PALD1: variants seen among roughly 807,000 people sequenced by gnomAD.
The protein encoded by PALD1 is phosphatase domain containing paladin 1.
A neutral mutation model predicts 96.0 loss-of-function variants in PALD1; 57 were observed. That is an observed-to-expected ratio of 0.59 (90% CI 0.48 to 0.74). PALD1 has a LOEUF of 0.74. Ranked by LOEUF, PALD1 falls within the 30% of genes least tolerant of loss-of-function variation. The pLI, the probability that PALD1 is intolerant of heterozygous loss-of-function variation, is 0.00. For synonymous variants in PALD1, 464 were observed against 473.6 expected (o/e 0.98, Z 0.26); for missense variants, 1,063 against 1,143.7 (o/e 0.93, Z 1.02).
At chr10:70,496,744 C>T (rs1462785643) in intron 1 of PALD1, among the ~76,000 whole-genome samples, 1 of 152,122 alleles carries the variant, frequency 6.6e-6, no homozygotes, top group Non-Finnish European at 1.5e-5. Flanking sequence ...TGAACATGAA[C>T]ACCCGCTTCT....
intron 10 of PALD1, among the ~76,000 whole-genome samples, chr10:70,535,711 C>T (rs1198495075): frequency 2.6e-5 from 4 of 151,398 alleles, no homozygotes; most frequent in African/African-American, 9.7e-5. Context: ...CCTCCTCCTG[C>T]TTCTCCTTCA....
intron 10 of PALD1, among the ~76,000 whole-genome samples, chr10:70,537,181 C>T (rs904103815): frequency 2.0e-5 from 3 of 151,852 alleles, no homozygotes; most frequent in Admixed American, 6.6e-5. Context: ...GATCATAGCT[C>T]ACTGGAGCCT....
At chr10:70,543,693 T>C (rs1321696269) in intron 17 of PALD1, among the ~76,000 whole-genome samples, 1 of 152,280 alleles carries the variant, frequency 6.6e-6, no homozygotes, top group East Asian at 1.9e-4. Flanking sequence ...GTTGACCATA[T>C]GTATAAGGGT....
At chr10:70,491,076 G>A (rs941760019) in intron 1 of PALD1, among the ~76,000 whole-genome samples, 2 of 152,122 alleles carry the variant, frequency 1.3e-5, no homozygotes, top group African/African-American at 4.8e-5. Flanking sequence ...CTCCTGAGTA[G>A]CTGGGACTAC....
intron 1 of PALD1, among the ~76,000 whole-genome samples, chr10:70,504,121 G>A (rs540673737): frequency 9.2e-5 from 14 of 152,348 alleles, no homozygotes; most frequent in East Asian, 1.9e-4. Flanking sequence ...GTTTGTAAAC[G>A]TATTCTCAGG....
chr10:70,526,136 C>A lies in PALD1; in HGVS notation c.185C>A (p.Thr62Lys), dbSNP rs781080683. Residue 62 changes from threonine (T) to lysine (K), a missense_variant and splice_region_variant, in exon 2 of 20, where the codon ACG (threonine) becomes AAG (lysine). Physicochemically the swap from Thr to Lys is moderately conservative, Grantham distance 78. Coordinates refer to ENST00000263563, the MANE Select transcript of PALD1 (RefSeq NM_014431.3). ...AACAAGGTGGCCCCTGTTGTGATCA[C>A]GTGAGTGGCAGGGGGAGTGTGCCCA... ...IPNKVAPVVI[T>K]YNCKEEFQIH... 2.5e-6 allele frequency: 4 copies of A among 1,613,294 alleles called. No individual in the cohort carries two copies. Among genetic ancestry groups the A allele is most frequent in the Non-Finnish European group, 3.4e-6 (4 of 1,179,358 alleles).
intron 18 of PALD1, among the ~76,000 whole-genome samples, chr10:70,550,858 CTGTT>C (rs1264841548): frequency 3.3e-5 from 5 of 152,300 alleles, no homozygotes; most frequent in South Asian, 4.1e-4. Context: ...TTATGTCTGT[CTGTT>C]TATCAGCTGA....
chr10:70,560,557 C>T (rs540798773), intron 18 of PALD1, among the ~76,000 whole-genome samples: 8 of 152,194 alleles, frequency 5.3e-5, no homozygotes, highest in African/African-American at 9.6e-5. Flanking sequence ...CAGGATGTGA[C>T]GCGCTCGGCC....
intron 1 of PALD1, among the ~76,000 whole-genome samples, chr10:70,508,195 C>G (rs555406749): frequency 2.0e-5 from 3 of 152,314 alleles, no homozygotes; most frequent in South Asian, 4.1e-4. Flanking sequence ...ACGGCCCAGC[C>G]TTGTTGTTTA....
intron 1 of PALD1, among the ~76,000 whole-genome samples, chr10:70,524,488 A>G (rs1846812480): frequency 6.6e-6 from 1 of 152,236 alleles, no homozygotes; most frequent in South Asian, 2.1e-4. Context: ...TTCTTTAAAT[A>G]GGTTTTAACC....
Position 70,566,774 on chromosome 10 carries a change from C to T in PALD1, c.*41C>T, listed in dbSNP as rs1462344754. On this transcript the variant is annotated 3_prime_UTR_variant, in exon 20 of 20. Coordinates refer to ENST00000263563, the MANE Select transcript of PALD1 (RefSeq NM_014431.3). ...GTCCCCCCACCCACAGGGCCCCACG[C>T]AGGCCTGGGGTGTCTGAGGTGCTCT... 3 of 1,454,974 alleles carry T rather than the reference C, an allele frequency of 2.1e-6. No homozygotes were observed. The highest frequency in any genetic ancestry group is 2.8e-6 in the Non-Finnish European group (3 of 1,069,718). The allele number at this position is 1,454,974 out of a possible 1,614,324, so 90.1% of individuals were successfully genotyped here.
At chr10:70,475,423 A>C (rs10823549), upstream of PALD1, among the ~76,000 whole-genome samples, 144,196 of 152,124 alleles carry the variant, frequency 0.95, 68,453 homozygotes, top group East Asian at 1. Flanking sequence ...ATCACAGGCC[A>C]CAAGACTCCC....
chr10:70,463,129 T>G, the PALD1 span, among the ~76,000 whole-genome samples: 3 of 152,072 alleles, frequency 2.0e-5, no homozygotes, highest in Non-Finnish European at 2.9e-5. Context: ...AATGCGCCGG[T>G]CATGGTGGCT....
At chr10:70,523,258 G>A (rs544458635) in intron 1 of PALD1, among the ~76,000 whole-genome samples, 32 of 151,254 alleles carry the variant, frequency 2.1e-4, no homozygotes, top group East Asian at 3.9e-4. Flanking sequence ...GAGGAGAGGC[G>A]GAGGTGTCAG....
intron 1 of PALD1, among the ~76,000 whole-genome samples, chr10:70,516,600 C>A (rs1846624579): frequency 6.6e-6 from 1 of 152,152 alleles, no homozygotes; most frequent in African/African-American, 2.4e-5. Flanking sequence ...CTTGTCCAGG[C>A]TGGAGTGCAG....
At chr10:70,511,397 T>G (rs1846514960) in intron 1 of PALD1, among the ~76,000 whole-genome samples, 1 of 152,120 alleles carries the variant, frequency 6.6e-6, no homozygotes, top group South Asian at 2.1e-4. Context: ...CTGTGAAACT[T>G]AAGTCATCAT....
chr10:70,487,244 C>T (rs1846029084), intron 1 of PALD1, among the ~76,000 whole-genome samples: 1 of 151,058 alleles, frequency 6.6e-6, no homozygotes, highest in Non-Finnish European at 1.5e-5. Context: ...CGTCATTCTC[C>T]TGCCTCATCC....
intron 2 of PALD1, 141 bp from the exon 3 acceptor site, chr10:70,529,088 A>G: frequency 1.7e-6 from 1 of 599,086 alleles, no homozygotes; most frequent in Non-Finnish European, 3.0e-6. Context: ...AAGAGTGGAT[A>G]TTGAGGGACA....
chr10:70,479,869 A>C (rs1845899058), intron 1 of PALD1, among the ~76,000 whole-genome samples: 3 of 151,800 alleles, frequency 2.0e-5, no homozygotes, highest in Admixed American at 2.0e-4. Flanking sequence ...GTGTGGATGG[A>C]GGAGGATTTG....
Sources: gnomAD v4.1 joint callset for allele counts (sites outside exome capture counted in the v4.1 genomes callset) on GRCh38, gnomAD v4.1.1 for gene constraint, MANE v1.5 for transcripts, NCBI Gene and HGNC (gene_info 2026-07-23, HGNC 2026-07-21) for gene names.